Variants in AP1B1 observed in about 807,000 individuals in gnomAD.
AP1B1 encodes the protein AP-1 complex subunit beta-1.
In AP1B1, 36 loss-of-function variants were observed where a neutral mutation model predicts 104.3. The ratio of observed to expected loss-of-function variants is 0.35; its 90% confidence interval spans 0.26 to 0.46. The LOEUF (loss-of-function observed/expected upper bound fraction) is 0.46, where lower values mean the gene tolerates loss of function less well. AP1B1 is among the 20% of genes least tolerant of loss of function. AP1B1 has a pLI of 1.00. For missense variants in AP1B1, 901 were observed against 1,247.9 expected (o/e 0.72, Z 4.19); for synonymous variants, 504 against 517.5 (o/e 0.97, Z 0.35).
Position 29,354,832 on chromosome 22 carries a change from G to A in AP1B1, c.756C>T (p.Asn252=). 6.2e-7 allele frequency: 1 copy of A among 1,614,142 alleles called. No homozygotes were observed. Among genetic ancestry groups the A allele is most frequent in the Non-Finnish European group, 8.5e-7 (1 of 1,180,034 alleles). ...TCACAGCAGAGAGCACCACAGCGGA[G>A]TTGGCATGGGAGAGCCTGGGGGTGA... ...ERVTPRLSHA[N]SAVVLSAVKV... Residue 252 remains asparagine, a synonymous_variant, in exon 7 of 23, where the codon AAC becomes AAT. Transcript: ENST00000357586.
intron 7 of AP1B1, among the ~76,000 whole-genome samples, chr22:29,353,441 T>C (rs750430165): frequency 4.6e-5 from 7 of 152,026 alleles, no homozygotes; most frequent in African/African-American, 9.7e-5. Flanking sequence ...TCTTAAGAGA[T>C]TTACTATGTT....
chr22:29,353,640 T>C (rs531323378), intron 7 of AP1B1, among the ~76,000 whole-genome samples: 11 of 152,172 alleles, frequency 7.2e-5, no homozygotes, highest in African/African-American at 2.6e-4. Context: ...ATTCGACCAA[T>C]ATCTCTGGGT....
intron 1 of AP1B1, among the ~76,000 whole-genome samples, chr22:29,369,388 T>A (rs2062195099): frequency 1.3e-5 from 2 of 151,856 alleles, no homozygotes; most frequent in Non-Finnish European, 2.9e-5. Flanking sequence ...CCTTTGTGGA[T>A]CCTGAAGGAA....
intron 2 of AP1B1, among the ~76,000 whole-genome samples, chr22:29,364,710 G>C (rs551321624): frequency 6.7e-6 from 1 of 149,922 alleles, no homozygotes; most frequent in African/African-American, 2.5e-5. Flanking sequence ...CACCACGCCC[G>C]GCCATTTTTT....
In AP1B1 at chr22:29,351,678, G is replaced by A. The variant is rs756211321; in HGVS notation, c.1059+27C>T. 6.7e-5 allele frequency: 108 copies of A among 1,612,222 alleles called. 1 individual carries two copies. In the South Asian group the frequency reaches 8.9e-4, roughly 13 times the overall value. ...GGTGGAATGGTCCCACACTGAGCCCGTGTCCTGACCATCACACGCAGCTGA... is the reference window on the plus strand; with the variant it reads ...GGTGGAATGGTCCCACACTGAGCCCATGTCCTGACCATCACACGCAGCTGA... On this transcript the variant is annotated intron_variant, in intron 8 of 22. Coordinates refer to ENST00000357586, the MANE Select transcript of AP1B1 (RefSeq NM_001127.4).
Position 29,357,059 on chromosome 22 carries a change from TTTG to T in AP1B1, c.526-446_526-444del, listed in dbSNP as rs1160154946. Among the ~76,000 whole-genome samples, 242 of 126,956 alleles carry T rather than the reference TTTG, an allele frequency of 1.9e-3. 1 individual carries two copies. The highest frequency in any genetic ancestry group is 7.5e-3 in the African/African-American group (229 of 30,504). 83.3% of individuals were successfully genotyped at this position (126,956 alleles called of 152,430 possible). On this transcript the variant is annotated intron_variant, in intron 5 of 22. Coordinates refer to ENST00000357586, the MANE Select transcript of AP1B1 (RefSeq NM_001127.4). Reference sequence around the variant, plus strand: ...CATTTCCACTAGGAAGGTGTTTTTTTTTGTTTTTTGTTTTTTTTTTTTGAGATG... The same window carrying T: ...CATTTCCACTAGGAAGGTGTTTTTTTTTTTTTGTTTTTTTTTTTTGAGATG...
chr22:29,348,611 CG>C (rs939295328), intron 11 of AP1B1, among the ~76,000 whole-genome samples: 2 of 152,162 alleles, frequency 1.3e-5, no homozygotes, highest in Non-Finnish European at 2.9e-5. Context: ...TTGACAAAAA[CG>C]TTGGGTCTAG....
chr22:29,370,209 T>C (rs2062209971), intron 1 of AP1B1, among the ~76,000 whole-genome samples: 1 of 151,532 alleles, frequency 6.6e-6, no homozygotes, highest in Non-Finnish European at 1.5e-5. Flanking sequence ...TCCTAGCACT[T>C]TGGGAGGCTG....
At chr22:29,334,639 G>T (rs1602691687) in intron 16 of AP1B1, among the ~76,000 whole-genome samples, 1 of 152,348 alleles carries the variant, frequency 6.6e-6, no homozygotes, top group East Asian at 1.9e-4. Flanking sequence ...GCAGCTCAGG[G>T]TGGGGAGGCA....
intron 1 of AP1B1, among the ~76,000 whole-genome samples, chr22:29,381,076 C>T (rs780489644): frequency 7.9e-5 from 12 of 152,224 alleles, no homozygotes; most frequent in Non-Finnish European, 1.5e-4. Flanking sequence ...CACCCCAGGG[C>T]CTTTGCCCGT....
intron 2 of AP1B1, among the ~76,000 whole-genome samples, chr22:29,363,541 G>C (rs1005458280): frequency 2.0e-5 from 3 of 152,014 alleles, no homozygotes; most frequent in African/African-American, 7.3e-5. Flanking sequence ...CCAGCTACTC[G>C]GGAGGCTGAG....
At chr22:29,386,044 C>T (rs1412756910) in intron 1 of AP1B1, among the ~76,000 whole-genome samples, 1 of 152,212 alleles carries the variant, frequency 6.6e-6, no homozygotes, top group African/African-American at 2.4e-5. Context: ...GGAAGTAACG[C>T]TCCAGAAGCC....
intron 19 of AP1B1, among the ~76,000 whole-genome samples, chr22:29,331,238 C>G (rs1410189208): frequency 6.6e-6 from 1 of 152,192 alleles, no homozygotes; most frequent in Non-Finnish European, 1.5e-5. Flanking sequence ...TTCCATGTGG[C>G]ACAGCCCACC....
intron 11 of AP1B1, among the ~76,000 whole-genome samples, chr22:29,343,841 T>C (rs1343740284): frequency 1.3e-5 from 2 of 152,108 alleles, no homozygotes; most frequent in Non-Finnish European, 2.9e-5. Flanking sequence ...CCAGGCGTGA[T>C]GGCTCACACC....
chr22:29,374,472 A>G (rs2062300416), intron 1 of AP1B1, among the ~76,000 whole-genome samples: 1 of 152,236 alleles, frequency 6.6e-6, no homozygotes, highest in Non-Finnish European at 1.5e-5. Flanking sequence ...AGTGACTACA[A>G]ATAGGAGAAT....
intron 1 of AP1B1, among the ~76,000 whole-genome samples, chr22:29,387,905 T>C (rs943979757): frequency 6.6e-6 from 1 of 152,228 alleles, no homozygotes; most frequent in Non-Finnish European, 1.5e-5. Flanking sequence ...CCTCGTTATT[T>C]TGCAGCATTA....
At chr22:29,334,735 G>A (rs2061613018) in intron 16 of AP1B1, among the ~76,000 whole-genome samples, 1 of 150,266 alleles carries the variant, frequency 6.7e-6, no homozygotes, top group African/African-American at 2.4e-5. Flanking sequence ...GCCATGAGCT[G>A]GCAATGGAGG....
intron 9 of AP1B1, among the ~76,000 whole-genome samples, 163 bp downstream of exon 9, chr22:29,351,008 A>G (rs570062275): frequency 6.6e-6 from 1 of 150,552 alleles, no homozygotes; most frequent in South Asian, 2.1e-4. Flanking sequence ...GTGAGAAGGA[A>G]CCCCACCAGA....
intron 14 of AP1B1, 105 bp from the exon 15 acceptor site, chr22:29,339,879 T>A: frequency 5.7e-5 from 52 of 905,934 alleles, no homozygotes; most frequent in Non-Finnish European, 8.2e-5. Flanking sequence ...AAGAGGGAGA[T>A]TAGTCAACGG....
Sources: allele counts gnomAD v4.1 joint callset (sites outside exome capture counted in the v4.1 genomes callset), GRCh38; gene constraint gnomAD v4.1.1; transcripts MANE v1.5; gene names NCBI Gene and HGNC (gene_info 2026-07-23, HGNC 2026-07-21).